Variants in MICAL1 observed in about 807,000 individuals in gnomAD.
MICAL1 encodes the protein [F-actin]-monooxygenase MICAL1.
In MICAL1, 95 loss-of-function variants were observed where a neutral mutation model predicts 131.8. The ratio of observed to expected loss-of-function variants is 0.72; its 90% confidence interval spans 0.61 to 0.86. The LOEUF (loss-of-function observed/expected upper bound fraction) is 0.86. Among genes scored for constraint, MICAL1 ranks in the 40% least tolerant of loss-of-function variants. The pLI, the probability that MICAL1 is intolerant of heterozygous loss-of-function variation, is 0.00. For synonymous variants in MICAL1, 546 were observed against 554.2 expected, an observed-to-expected ratio of 0.99 and a Z score of 0.21; for missense variants, 1,292 against 1,380.6, an observed-to-expected ratio of 0.94 and a Z score of 1.02.
At chr6:109,445,983 A>G in intron 19 of MICAL1, 121 bp from the exon 20 acceptor site, 1 of 1,494,368 alleles carries the variant, frequency 6.7e-7, no homozygotes, top group Non-Finnish European at 8.9e-7. Context: ...GTGTTGGGGC[A>G]TGGGAGGAAC....
chr6:109,457,308 A>C (rs1204420582), upstream of MICAL1, among the ~76,000 whole-genome samples: 1 of 152,134 alleles, frequency 6.6e-6, no homozygotes, highest in Non-Finnish European at 1.5e-5. Flanking sequence ...CTTGAAATGA[A>C]TTTGCCGAAT....
rs1185185461 is a variant in MICAL1, at chr6:109,455,045, A to ACC, written c.-44+672_-44+673dup. 1.4e-5 allele frequency among the ~76,000 whole-genome samples: 2 copies of ACC among 140,530 alleles called. No homozygotes were observed. The highest frequency in any genetic ancestry group is 5.4e-5 in the African/African-American group (2 of 37,292). The allele number at this position is 140,530 out of a possible 152,430, so 92.2% of individuals were successfully genotyped here. On this transcript the variant is annotated intron_variant, in intron 1 of 24. Transcript: ENST00000358807. This position sits in a 1 kb window ranked among gnomAD's most constrained non-coding sequence, Gnocchi z 4.7. Reference sequence around the variant, plus strand: ...GTTCCCCCCTCCCTGATCGACCCCTACCCCGCCCCGCCCCCTGTGCGCCCG... The same window carrying ACC: ...GTTCCCCCCTCCCTGATCGACCCCTACCCCCCGCCCCGCCCCCTGTGCGCCCG...
chr6:109,456,752 G>A (rs944902834), upstream of MICAL1, among the ~76,000 whole-genome samples: 3 of 152,162 alleles, frequency 2.0e-5, no homozygotes, highest in African/African-American at 7.2e-5. Flanking sequence ...TTTATTGACC[G>A]TCATCCTATG....
upstream of MICAL1, among the ~76,000 whole-genome samples, chr6:109,460,282 T>C (rs764604951): frequency 1.3e-5 from 2 of 151,632 alleles, no homozygotes; most frequent in Non-Finnish European, 2.9e-5. Flanking sequence ...TAGTGAGACC[T>C]TGTCTCTAAA....
Position 109,451,702 on chromosome 6 carries a change from T to TG in MICAL1, c.833-3dup. Reference sequence around the variant, plus strand: ...ACACAATGTTCTCCAGATCAATGCCTGGGGGTACAGGGCAGGGGACAGTAG... The same window carrying TG: ...ACACAATGTTCTCCAGATCAATGCCTGGGGGGTACAGGGCAGGGGACAGTAG... On this transcript the variant is annotated splice_region_variant and splice_polypyrimidine_tract_variant and intron_variant, in intron 6 of 24. Transcript: ENST00000358807. 2.5e-6 allele frequency: 4 copies of TG among 1,613,792 alleles called. No individual in the cohort carries two copies. The highest frequency in any genetic ancestry group is 3.4e-6 in the Non-Finnish European group (4 of 1,179,896).
Position 109,450,404 on chromosome 6 carries a change from CAG to C in MICAL1, c.1085_1086del (p.Ser362CysfsTer3). 1 of 1,613,600 alleles carries C rather than the reference CAG, an allele frequency of 6.2e-7. No individual in the cohort carries two copies. Among genetic ancestry groups the C allele is most frequent in the Non-Finnish European group, 8.5e-7 (1 of 1,179,962 alleles). On this transcript the variant is annotated frameshift_variant, in exon 8 of 25. Coordinates refer to ENST00000358807, the MANE Select transcript of MICAL1 (RefSeq NM_022765.4). LOFTEE classifies it high-confidence loss of function. ...AQDAHGQPDV[S>X]AFDFTSMMRA... ...CGCATCATGCTCGTGAAGTCAAAGG[CAG>C]AGACATCAGGCTGCCCATGGGCATC...
intron 2 of MICAL1, 25 bp downstream of exon 2, chr6:109,453,914 C>A: frequency 1.2e-6 from 2 of 1,611,474 alleles, no homozygotes; most frequent in South Asian, 2.2e-5. Flanking sequence ...TGCTCCACAC[C>A]CCATCCCAGG....
chr6:109,450,152 T>G (rs1269490232), intron 8 of MICAL1, 67 bp from the exon 9 acceptor site: 4 of 1,574,836 alleles, frequency 2.5e-6, no homozygotes, highest in Non-Finnish European at 3.5e-6. Flanking sequence ...AGCCCAGATA[T>G]CCACCCAGGT....
rs1418686854 is a variant in MICAL1 at position 109,455,602 on chromosome 6, C to G, written c.-44+117G>C. On this transcript the variant is annotated intron_variant, in intron 1 of 24. Coordinates refer to ENST00000358807, the MANE Select transcript of MICAL1 (RefSeq NM_022765.4). The surrounding 1 kb of genome is among the most constrained non-coding windows in gnomAD (Gnocchi z 4.7). The stretch of plus-strand genomic sequence containing the variant: ...GAGCAGGGCTGGGCTGAGGGAAGAC[C>G]TGCCTGACCTGCCAGGCGTGGTTCC... The G allele has an allele frequency of 1.4e-6, 1 of 690,454 alleles. No homozygotes were observed. The highest frequency in any genetic ancestry group is 1.9e-5 in the African/African-American group (1 of 51,862). 42.8% of individuals were successfully genotyped at this position (690,454 alleles called of 1,614,324 possible).
chr6:109,456,569 G>A (rs1775757515), upstream of MICAL1, among the ~76,000 whole-genome samples: 1 of 152,218 alleles, frequency 6.6e-6, no homozygotes, highest in Non-Finnish European at 1.5e-5. Flanking sequence ...GTGTGGAAGA[G>A]AGACCAAGTC....
chr6:109,452,079 T>G lies in MICAL1; in HGVS notation c.832+167A>C, dbSNP rs563517778. On this transcript the variant is annotated intron_variant, in intron 6 of 24. Coordinates refer to ENST00000358807, the MANE Select transcript of MICAL1 (RefSeq NM_022765.4). The stretch of plus-strand genomic sequence containing the variant: ...CATGCTGGGTGATCAACTAGGGCTG[T>G]GCTTGCTTAATCCCTGAGGGGACAG... 4,338 of 1,428,724 alleles carry G rather than the reference T, an allele frequency of 3.0e-3. 13 individuals are homozygous for G. Among genetic ancestry groups the G allele is most frequent in the Non-Finnish European group, 3.3e-3 (3,637 of 1,096,400 alleles). 88.5% of individuals were successfully genotyped at this position (1,428,724 alleles called of 1,614,324 possible).
intron 3 of MICAL1, 34 bp from the exon 4 acceptor site, chr6:109,453,401 T>C (rs566484124): frequency 8.9e-5 from 142 of 1,599,450 alleles, no homozygotes; most frequent in African/African-American, 1.5e-4. Flanking sequence ...ACAGGGACCC[T>C]AGGGCAGCAC....
Position 109,444,204 on chromosome 6 carries a change from CCT to C in MICAL1, c.3189_3190del (p.Ala1065ProfsTer?), listed in dbSNP as rs776954085. 7 of 1,613,072 alleles carry C rather than the reference CCT, an allele frequency of 4.3e-6. No individual in the cohort carries two copies. In the Admixed American group the frequency reaches 6.7e-5, roughly 15 times the overall value. On this transcript the variant is annotated frameshift_variant, in exon 25 of 25. Transcript: ENST00000358807. LOFTEE classifies it high-confidence loss of function. Reference sequence around the variant, plus strand: ...GCCCACCCTCGTCTAGCCCTGGGCCCCTGTCCCCAAGGCCAGCTCGCTGAGCC... The same window carrying C: ...GCCCACCCTCGTCTAGCCCTGGGCCCGTCCCCAAGGCCAGCTCGCTGAGCC...
chr6:109,458,100 G>GT (rs957988010), upstream of MICAL1, among the ~76,000 whole-genome samples: 8 of 144,978 alleles, frequency 5.5e-5, no homozygotes, highest in Non-Finnish European at 1.2e-4. Flanking sequence ...CCCAAACCAA[G>GT]TTCTACTTAG....
upstream of MICAL1, among the ~76,000 whole-genome samples, chr6:109,458,019 C>G (rs538844136): frequency 2.0e-5 from 3 of 152,198 alleles, no homozygotes; most frequent in Non-Finnish European, 2.9e-5. Flanking sequence ...AATTACTCAG[C>G]CTTCTCAGCC....
Position 109,445,336 on chromosome 6 carries a change from A to G in MICAL1, c.2788-46T>C, listed in dbSNP as rs774203780. The G allele has an allele frequency of 6.2e-6, 10 of 1,612,950 alleles. No individual in the cohort carries two copies. The East Asian group carries it at 2.2e-4, about 36-fold the overall frequency. ...TATCCAGGAGTCTCTAGGTTGCTCA[A>G]GAACAGAGCACTGGAGGAACTCTGA... On this transcript the variant is annotated intron_variant, in intron 21 of 24. Coordinates refer to ENST00000358807, the MANE Select transcript of MICAL1 (RefSeq NM_022765.4).
chr6:109,451,755 C>A, intron 6 of MICAL1, 55 bp from the exon 7 acceptor site: 2 of 1,601,232 alleles, frequency 1.2e-6, no homozygotes, highest in East Asian at 2.2e-5. Flanking sequence ...GCATCACCTT[C>A]CCTAAACATC....
chr6:109,454,277 A>G (rs773737564), intron 1 of MICAL1, 38 bp from the exon 2 acceptor site: 4 of 1,504,784 alleles, frequency 2.7e-6, no homozygotes, highest in South Asian at 1.2e-5. Context: ...AGGCTGGAGA[A>G]CAGAAGAAAT....
intron 1 of MICAL1, chr6:109,463,499 C>A (rs989542285): frequency 3.9e-4 from 59 of 152,050 alleles, no homozygotes; most frequent in African/African-American, 1.4e-3. Flanking sequence ...TGCACTGTGT[C>A]CCATGCAACA....
Sources: gnomAD v4.1 joint callset for allele counts (sites outside exome capture counted in the v4.1 genomes callset) on GRCh38, gnomAD v4.1.1 for gene constraint, Gnocchi (gnomAD v3.1) non-coding constraint, MANE v1.5 for transcripts, NCBI Gene and HGNC (gene_info 2026-07-23, HGNC 2026-07-21) for gene names.